The following OSBPL1A variants were observed in gnomAD, a reference collection of about 807,000 sequenced individuals.
OSBPL1A encodes oxysterol-binding protein-related protein 1.
OSBPL1A carries 80 observed loss-of-function variants against 137.1 expected under a neutral mutation model. The observed-to-expected ratio is 0.58, with a 90% CI of 0.49 to 0.70. The LOEUF (loss-of-function observed/expected upper bound fraction) is 0.70, where lower values mean the gene tolerates loss of function less well. Ranked by LOEUF, OSBPL1A falls within the 30% of genes least tolerant of loss-of-function variation. The pLI, the probability that OSBPL1A is intolerant of heterozygous loss-of-function variation, is 0.00. For missense variants in OSBPL1A, 970 were observed against 1,129.4 expected, an observed-to-expected ratio of 0.86 and a Z score of 2.02; for synonymous variants, 365 against 389.7, an observed-to-expected ratio of 0.94 and a Z score of 0.75.
At chr18:24,375,644 C>A (rs999456399) in intron 2 of OSBPL1A, among the ~76,000 whole-genome samples, 1 of 152,108 alleles carries the variant, frequency 6.6e-6, no homozygotes, top group African/African-American at 2.4e-5. Flanking sequence ...AGTTTCACAC[C>A]TCTCCCATGA....
Position 24,326,385 on chromosome 18 carries a change from C to T in OSBPL1A, c.625+6557G>A, listed in dbSNP as rs145590326. On this transcript the variant is annotated intron_variant, in intron 7 of 27. Coordinates refer to ENST00000319481, the MANE Select transcript of OSBPL1A (RefSeq NM_080597.4). The stretch of plus-strand genomic sequence containing the variant: ...CCACATTGCCAGGAGGAGGCCTTGG[C>T]AGTCACCTCTGTACCATATGTCCTG... Among the ~76,000 whole-genome samples, 178 of 152,334 alleles carry T rather than the reference C, an allele frequency of 1.2e-3. 1 individual carries two copies. Among genetic ancestry groups the T allele is most frequent in the African/African-American group, 4.2e-3 (175 of 41,588 alleles).
chr18:24,167,260 C>T (rs748626000), intron 25 of OSBPL1A, 69 bp downstream of exon 25: 13 of 1,430,546 alleles, frequency 9.1e-6, no homozygotes, highest in African/African-American at 2.8e-5. Context: ...CGACCCTACA[C>T]GTGCCAGGAA....
intron 15 of OSBPL1A, among the ~76,000 whole-genome samples, chr18:24,257,633 C>T (rs1225542596): frequency 3.9e-5 from 6 of 152,008 alleles, no homozygotes; most frequent in Non-Finnish European, 5.9e-5. Context: ...CAAATGGAAA[C>T]ACATCAAGTT....
In OSBPL1A at chr18:24,258,493, T is replaced by A. The variant is rs528286958; in HGVS notation, c.1282-19111A>T. On this transcript the variant is annotated intron_variant, in intron 15 of 27. Coordinates refer to ENST00000319481, the MANE Select transcript of OSBPL1A (RefSeq NM_080597.4). Reference sequence around the variant, plus strand: ...GGTTGAGAAGGGTAGTGGGGCAGGGTTGGGGGAATGTGGAGATGGTTAATG... The same window carrying A: ...GGTTGAGAAGGGTAGTGGGGCAGGGATGGGGGAATGTGGAGATGGTTAATG... Among the ~76,000 whole-genome samples, 5 of 152,050 alleles carry A rather than the reference T, an allele frequency of 3.3e-5. No individual in the cohort carries two copies. In the South Asian group the frequency reaches 1.0e-3, roughly 32 times the overall value.
intron 14 of OSBPL1A, among the ~76,000 whole-genome samples, chr18:24,283,532 T>C (rs2090007837): frequency 6.6e-6 from 1 of 152,018 alleles, no homozygotes; most frequent in Non-Finnish European, 1.5e-5. Context: ...ATTGTGAAGA[T>C]TTATTCTCTA....
intron 4 of OSBPL1A, among the ~76,000 whole-genome samples, chr18:24,356,488 G>A (rs1307465529): frequency 6.6e-6 from 1 of 152,178 alleles, no homozygotes; most frequent in Non-Finnish European, 1.5e-5. Flanking sequence ...AAGGGGGCAT[G>A]CATGGGAGTG....
chr18:24,212,279 C>T (rs1198642758), intron 17 of OSBPL1A, among the ~76,000 whole-genome samples: 1 of 151,594 alleles, frequency 6.6e-6, no homozygotes, highest in African/African-American at 2.4e-5. Flanking sequence ...AGGATGGTCT[C>T]GATCTCCTGA....
At chr18:24,223,439 A>G (rs1253981025) in intron 17 of OSBPL1A, among the ~76,000 whole-genome samples, 2 of 152,098 alleles carry the variant, frequency 1.3e-5, no homozygotes, top group African/African-American at 4.8e-5. Context: ...ACAACTGAAG[A>G]ACGTCATACT....
At chr18:24,392,455 G>A (rs566976669) in intron 1 of OSBPL1A, among the ~76,000 whole-genome samples, 59 of 151,954 alleles carry the variant, frequency 3.9e-4, no homozygotes, top group African/African-American at 6.5e-4. Context: ...CACCACACCC[G>A]GCCCTATACT....
Position 24,162,060 on chromosome 18 carries a change from T to C in OSBPL1A, c.*1119A>G, listed in dbSNP as rs1028550638. 2.6e-5 allele frequency: 4 copies of C among 152,630 alleles called. No homozygotes were observed. In the East Asian group the frequency reaches 7.7e-4, roughly 29 times the overall value. 9.5% of individuals were successfully genotyped at this position (152,630 alleles called of 1,614,324 possible). ...GAAACCACACTTTTGGGGAACATTC[T>C]AAAGCCTTTATTTAGCATCAGGTAG... On this transcript the variant is annotated 3_prime_UTR_variant, in exon 28 of 28. Transcript: ENST00000319481.
At chr18:24,325,095 A>AAAGAAAG (rs1555651167) in intron 7 of OSBPL1A, among the ~76,000 whole-genome samples, 1 of 151,618 alleles carries the variant, frequency 6.6e-6, no homozygotes, top group African/African-American at 2.4e-5. Flanking sequence ...CGAAACAAAA[A>AAAGAAAG]AAAGAAAGAA....
chr18:24,234,260 C>T (rs1455395482), intron 16 of OSBPL1A, among the ~76,000 whole-genome samples: 2 of 152,222 alleles, frequency 1.3e-5, no homozygotes, highest in East Asian at 1.9e-4. Flanking sequence ...AATGTCTAGC[C>T]CTTTTCCCAG....
chr18:24,241,416 T>G (rs987389573), intron 15 of OSBPL1A, among the ~76,000 whole-genome samples: 1 of 152,090 alleles, frequency 6.6e-6, no homozygotes, highest in Admixed American at 6.5e-5. Flanking sequence ...ACAATGAACT[T>G]AAACAAATTT....
At chr18:24,190,345 T>TG (rs2086856113) in intron 18 of OSBPL1A, among the ~76,000 whole-genome samples, 1 of 51,040 alleles carries the variant, frequency 2.0e-5, no homozygotes, top group Non-Finnish European at 3.2e-5. Context: ...CCTCTGCTAC[T>TG]GAAAAAAAAA....
intron 1 of OSBPL1A, among the ~76,000 whole-genome samples, chr18:24,386,345 A>C (rs552510657): frequency 6.6e-6 from 1 of 152,328 alleles, no homozygotes; most frequent in African/African-American, 2.4e-5. Flanking sequence ...TCATATTCTT[A>C]AAGCAATTTG....
chr18:24,214,034 T>C (rs534021971), intron 17 of OSBPL1A, among the ~76,000 whole-genome samples: 4 of 152,316 alleles, frequency 2.6e-5, no homozygotes, highest in African/African-American at 9.6e-5. Context: ...ATTCCCTTAC[T>C]ATAGGCCTGC....
chr18:24,318,800 G>A lies in OSBPL1A; in HGVS notation c.635C>T (p.Pro212Leu). ...TTCAGCACCCTGGGCAAGGTCAAGA[G>A]GTTTCTGATCTGTGCAAAATACAAA... The part of the protein sequence containing the change: ...PNLKNKNDQK[P>L]LDLAQGAEMK... Residue 212 changes from proline (P) to leucine (L), a missense_variant, in exon 8 of 28, where the codon CCT becomes CTT. Coordinates refer to ENST00000319481, the MANE Select transcript of OSBPL1A (RefSeq NM_080597.4). The A allele has an allele frequency of 6.2e-7, 1 of 1,613,484 alleles. No individual in the cohort carries two copies. The highest frequency in any genetic ancestry group is 8.5e-7 in the Non-Finnish European group (1 of 1,179,908).
intron 16 of OSBPL1A, among the ~76,000 whole-genome samples, chr18:24,237,279 T>G (rs893055282): frequency 6.6e-6 from 1 of 152,062 alleles, no homozygotes; most frequent in African/African-American, 2.4e-5. Context: ...AGAACAAACA[T>G]GGGGTTCTTA....
chr18:24,392,594 T>C (rs1907436669), intron 1 of OSBPL1A, among the ~76,000 whole-genome samples: 1 of 152,242 alleles, frequency 6.6e-6, no homozygotes, highest in African/African-American at 2.4e-5. Flanking sequence ...GCTAGAAATT[T>C]GAATGAGAAA....
Sources: allele counts gnomAD v4.1 joint callset (sites outside exome capture counted in the v4.1 genomes callset), GRCh38; gene constraint gnomAD v4.1.1; transcripts MANE v1.5; gene names NCBI Gene and HGNC (gene_info 2026-07-23, HGNC 2026-07-21).